RFTN1: variants seen among roughly 807,000 people sequenced by gnomAD.
The protein encoded by RFTN1 is raftlin, lipid raft linker 1.
A neutral mutation model predicts 46.5 loss-of-function variants in RFTN1; 26 were observed. That is an observed-to-expected ratio of 0.56 (90% CI 0.41 to 0.78). The LOEUF is 0.78. Among genes scored for constraint, RFTN1 ranks in the 30% least tolerant of loss-of-function variants. The pLI, the probability that RFTN1 is intolerant of heterozygous loss-of-function variation, is 0.00. For missense variants in RFTN1, 693 were observed against 718.7 expected (o/e 0.96, Z 0.41); for synonymous variants, 261 against 284.2 (o/e 0.92, Z 0.82).
In RFTN1 at chr3:16,415,077, T is replaced by C. The variant is rs530253859; in HGVS notation, c.333-5594A>G. Among the ~76,000 whole-genome samples the C allele has an allele frequency of 7.9e-5, 12 of 152,204 alleles. No homozygotes were observed. The South Asian group carries it at 2.5e-3, about 32-fold the overall frequency. ...GGCAGCCAGAAGCCCATCTAAGTGG[T>C]CCAGGCAAGGGATGATGATGGCTCA... On this transcript the variant is annotated intron_variant, in intron 3 of 9. Coordinates refer to ENST00000334133, the MANE Select transcript of RFTN1 (RefSeq NM_015150.2).
chr3:16,379,105 A>G (rs1288735685), intron 4 of RFTN1, among the ~76,000 whole-genome samples: 3 of 152,232 alleles, frequency 2.0e-5, no homozygotes, highest in African/African-American at 7.2e-5. Flanking sequence ...AGTCTTAGTC[A>G]CCAAGCTCTA....
intron 4 of RFTN1, among the ~76,000 whole-genome samples, chr3:16,399,304 G>C (rs777001189): frequency 2.6e-5 from 4 of 152,012 alleles, no homozygotes; most frequent in Non-Finnish European, 5.9e-5. Flanking sequence ...AACTATCCTA[G>C]GACTAAGGCA....
Position 16,372,943 on chromosome 3 carries a change from C to T in RFTN1, c.827-2664G>A, listed in dbSNP as rs2073585314. Among the ~76,000 whole-genome samples, 4 of 152,210 alleles carry T rather than the reference C, an allele frequency of 2.6e-5. No individual in the cohort carries two copies. The South Asian group carries it at 8.3e-4, about 32-fold the overall frequency. ...GCACATGCATAACCCTTGTACGCTCCTCTGCCCCATCATCTCCTTGTCTCC... is the reference window on the plus strand; with the variant it reads ...GCACATGCATAACCCTTGTACGCTCTTCTGCCCCATCATCTCCTTGTCTCC... On this transcript the variant is annotated intron_variant, in intron 5 of 9. Transcript: ENST00000334133.
intron 6 of RFTN1, among the ~76,000 whole-genome samples, chr3:16,364,246 TG>T (rs2073012249): frequency 2.0e-5 from 3 of 152,256 alleles, no homozygotes; most frequent in African/African-American, 7.2e-5. Context: ...GGAAGCACTC[TG>T]CCAGATGCAG....
At position 16,353,901 on chromosome 3, in the gene RFTN1, TTCTGTCGTTTAATCCGTCTAG is replaced by T. The variant is rs1401781418; in HGVS notation, c.1146+4010_1146+4030del. On this transcript the variant is annotated intron_variant, in intron 7 of 9. Transcript: ENST00000334133. The surrounding 1 kb of genome is among the most constrained non-coding windows in gnomAD (Gnocchi z 5.4). ...CCTCCAGAACTGAGAGGAAAGAAAT[TTCTGTCGTTTAATCCGTCTAG>T]TCTGGTATTTTGTTATGGCAGCCCA... Among the ~76,000 whole-genome samples the T allele has an allele frequency of 6.6e-6, 1 of 152,168 alleles. No individual in the cohort carries two copies. The highest frequency in any genetic ancestry group is 1.5e-5 in the Non-Finnish European group (1 of 68,030).
In RFTN1 at chr3:16,370,983, A is replaced by G. The variant is rs1437613168; in HGVS notation, c.827-704T>C. On this transcript the variant is annotated intron_variant, in intron 5 of 9. Coordinates refer to ENST00000334133, the MANE Select transcript of RFTN1 (RefSeq NM_015150.2). This position sits in a 1 kb window ranked among gnomAD's most constrained non-coding sequence, Gnocchi z 5.5. ...AATAATCACTGCCACCCAGCAGCTG[A>G]GCCGCAACTGCCTACGTGCAGCTGG... The G allele has an allele frequency of 6.6e-6, 1 of 152,236 alleles. No individual in the cohort carries two copies. Among genetic ancestry groups the G allele is most frequent in the South Asian group, 2.1e-4 (1 of 4,830 alleles). 9.4% of individuals were successfully genotyped at this position (152,236 alleles called of 1,614,324 possible).
At chr3:16,431,766 G>A (rs1035219187) in intron 3 of RFTN1, among the ~76,000 whole-genome samples, 1 of 152,142 alleles carries the variant, frequency 6.6e-6, no homozygotes, top group African/African-American at 2.4e-5. Flanking sequence ...ACTACTGAGG[G>A]GTAAAATGGG....
At position 16,403,733 on chromosome 3, in the gene RFTN1, ATAT is replaced by A. The variant is rs1287294173; in HGVS notation, c.441+5639_441+5641del. ...ATAATATATAATATATATATTATAT[ATAT>A]TATATTATATATTATATATAAAATA... On this transcript the variant is annotated intron_variant, in intron 4 of 9. Coordinates refer to ENST00000334133, the MANE Select transcript of RFTN1 (RefSeq NM_015150.2). Among the ~76,000 whole-genome samples the A allele has an allele frequency of 3.6e-4, 13 of 36,386 alleles. 3 individuals are homozygous for A. The highest frequency in any genetic ancestry group is 1.8e-3 in the South Asian group (2 of 1,132). The allele number at this position is 36,386 out of a possible 152,430, so 23.9% of individuals were successfully genotyped here.
intron 6 of RFTN1, among the ~76,000 whole-genome samples, chr3:16,366,529 A>C (rs2073185251): frequency 6.6e-6 from 1 of 152,012 alleles, no homozygotes; most frequent in South Asian, 2.1e-4. Context: ...AGAGCCGCCA[A>C]AGTCCCGCTG....
chr3:16,333,948 G>A (rs760905575), intron 7 of RFTN1, among the ~76,000 whole-genome samples: 14 of 152,018 alleles, frequency 9.2e-5, no homozygotes, highest in South Asian at 2.1e-4. Context: ...GGTAGAGCAC[G>A]AGGTCAGGAG....
chr3:16,488,713 A>T (rs549603153), intron 2 of RFTN1, among the ~76,000 whole-genome samples: 5 of 152,192 alleles, frequency 3.3e-5, no homozygotes, highest in Non-Finnish European at 7.3e-5. Flanking sequence ...AGAATTCTAT[A>T]TTCGAATTCT....
chr3:16,497,955 T>G (rs2076650829), intron 1 of RFTN1, among the ~76,000 whole-genome samples: 1 of 152,054 alleles, frequency 6.6e-6, no homozygotes, highest in Non-Finnish European at 1.5e-5. Flanking sequence ...GGGGTGGGGA[T>G]CAGAAGAGTA....
In RFTN1 at chr3:16,428,469, T is replaced by G. The variant is rs1464013682; in HGVS notation, c.332+5382A>C. ...AAAAGATTTTCAAGGGTAACTTTGA[T>G]TGTACACATTTTCCACCTTCCACAA... On this transcript the variant is annotated intron_variant, in intron 3 of 9. Coordinates refer to ENST00000334133, the MANE Select transcript of RFTN1 (RefSeq NM_015150.2). The surrounding 1 kb of genome is among the most constrained non-coding windows in gnomAD (Gnocchi z 4.7). Among the ~76,000 whole-genome samples the G allele has an allele frequency of 6.6e-6, 1 of 152,352 alleles. No individual in the cohort carries two copies. The highest frequency in any genetic ancestry group is 2.1e-4 in the South Asian group (1 of 4,828).
chr3:16,492,851 C>T (rs971348837), intron 2 of RFTN1, among the ~76,000 whole-genome samples: 1 of 152,234 alleles, frequency 6.6e-6, no homozygotes, highest in Non-Finnish European at 1.5e-5. Flanking sequence ...TCCCCCCCAA[C>T]ACTGGCCCAA....
intron 3 of RFTN1, among the ~76,000 whole-genome samples, chr3:16,414,828 A>G (rs893636310): frequency 1.3e-5 from 2 of 152,182 alleles, no homozygotes; most frequent in Non-Finnish European, 2.9e-5. Flanking sequence ...AAAGGCCCTA[A>G]GCTGAGGGCA....
chr3:16,356,807 A>G lies in RFTN1; in HGVS notation c.1146+1125T>C, dbSNP rs1199534897. 6.6e-6 allele frequency among the ~76,000 whole-genome samples: 1 copy of G among 152,186 alleles called. No individual in the cohort carries two copies. The highest frequency in any genetic ancestry group is 1.5e-5 in the Non-Finnish European group (1 of 68,024). On this transcript the variant is annotated intron_variant, in intron 7 of 9. Transcript: ENST00000334133. The surrounding 1 kb of genome is among the most constrained non-coding windows in gnomAD (Gnocchi z 4.9). Reference sequence around the variant, plus strand: ...TGCCAATCCTGTGTTCTTCCAAAGCATTCAGAAAGCAGTTCTCTATGTCCA... The same window carrying G: ...TGCCAATCCTGTGTTCTTCCAAAGCGTTCAGAAAGCAGTTCTCTATGTCCA...
chr3:16,394,071 A>C (rs2074414481), intron 4 of RFTN1, among the ~76,000 whole-genome samples: 1 of 152,174 alleles, frequency 6.6e-6, no homozygotes, highest in Non-Finnish European at 1.5e-5. Context: ...ATGGCTTTTA[A>C]AAAAGCAATG....
At position 16,511,941 on chromosome 3, in the gene RFTN1, A is replaced by C. The variant is rs115680130; in HGVS notation, c.-9+1501T>G. Among the ~76,000 whole-genome samples the C allele has an allele frequency of 1.0e-2, 1,519 of 152,220 alleles. 29 individuals are homozygous for C. Among genetic ancestry groups the C allele is most frequent in the African/African-American group, 0.035 (1,437 of 41,500 alleles). On this transcript the variant is annotated intron_variant, in intron 1 of 9. Coordinates refer to ENST00000334133, the MANE Select transcript of RFTN1 (RefSeq NM_015150.2). ...AAACCAACCCAGTGACTTGATATAC[A>C]AATGCAGCCAGAGGATGACGTGCCA...
chr3:16,502,762 A>G (rs2125006404), intron 1 of RFTN1, among the ~76,000 whole-genome samples: 2 of 152,338 alleles, frequency 1.3e-5, no homozygotes, highest in Middle Eastern at 6.8e-3. Flanking sequence ...CAGCCCGGCC[A>G]ACATCCTCAC....
Sources: allele counts gnomAD v4.1 joint callset (sites outside exome capture counted in the v4.1 genomes callset), GRCh38; gene constraint gnomAD v4.1.1; non-coding constraint Gnocchi (gnomAD v3.1); transcripts MANE v1.5; gene names NCBI Gene and HGNC (gene_info 2026-07-23, HGNC 2026-07-21).